MYRFL: variants seen among roughly 807,000 people sequenced by gnomAD.
The protein encoded by MYRFL is myelin regulatory factor like.
A neutral mutation model predicts 109.4 loss-of-function variants in MYRFL; 88 were observed. The observed-to-expected ratio is 0.80, with a 90% confidence interval of 0.68 to 0.96. The LOEUF (loss-of-function observed/expected upper bound fraction) is 0.96. Ranked by LOEUF, MYRFL falls within the 40% of genes least tolerant of loss-of-function variation. The probability of loss-of-function intolerance (pLI) is 0.00; values close to 1 mark genes in which losing one functional copy is unlikely to be tolerated. For synonymous variants in MYRFL, 324 were observed against 320.9 expected, an observed-to-expected ratio of 1.01 and a Z score of -0.10; for missense variants, 957 against 954.9, an observed-to-expected ratio of 1.00 and a Z score of -0.03.
intron 2 of MYRFL, among the ~76,000 whole-genome samples, chr12:69,860,144 C>G (rs1884553143): frequency 6.6e-6 from 1 of 152,086 alleles, no homozygotes; most frequent in Admixed American, 6.5e-5. Context: ...GTTGTTCCCC[C>G]TTGTGTTCAT....
chr12:69,895,287 G>T, intron 8 of MYRFL, 84 bp from the exon 9 acceptor site: 1 of 995,104 alleles, frequency 1.0e-6, no homozygotes, highest in Non-Finnish European at 1.5e-6. Context: ...GCATAGATGA[G>T]AGTCTGAAAG....
intron 20 of MYRFL, 152 bp downstream of exon 20, chr12:69,952,327 C>T: frequency 9.1e-6 from 6 of 662,042 alleles, no homozygotes; most frequent in Non-Finnish European, 1.3e-5. Flanking sequence ...TAATCGATGC[C>T]ACCCTAACCA....
At chr12:69,951,189 C>A (rs1274993435) in intron 19 of MYRFL, among the ~76,000 whole-genome samples, 1 of 152,162 alleles carries the variant, frequency 6.6e-6, no homozygotes, top group Non-Finnish European at 1.5e-5. Context: ...GGGATAGTTT[C>A]TTAGTCCACT....
chr12:69,883,981 T>C (rs1275835161), intron 5 of MYRFL, among the ~76,000 whole-genome samples: 1 of 152,144 alleles, frequency 6.6e-6, no homozygotes, highest in African/African-American at 2.4e-5. Context: ...TGTTAGATTG[T>C]AGGATAGTGG....
chr12:69,878,828 C>G (rs1170304376), intron 2 of MYRFL, among the ~76,000 whole-genome samples, 200 bp from the exon 3 acceptor site: 2 of 152,008 alleles, frequency 1.3e-5, no homozygotes, highest in African/African-American at 4.8e-5. Context: ...GAGCTGGGAC[C>G]CAAAGCCCAC....
intron 14 of MYRFL, 70 bp downstream of exon 14, chr12:69,926,804 A>C: frequency 7.9e-6 from 10 of 1,258,418 alleles, no homozygotes; most frequent in East Asian, 2.8e-5. Context: ...GAATAAGATC[A>C]ATCTAAATGG....
At chr12:69,881,580 G>A (rs1474757411) in intron 5 of MYRFL, among the ~76,000 whole-genome samples, 1 of 152,218 alleles carries the variant, frequency 6.6e-6, no homozygotes, top group Non-Finnish European at 1.5e-5. Context: ...GCTCCAGCGT[G>A]GGCTGTGGAG....
intron 19 of MYRFL, among the ~76,000 whole-genome samples, chr12:69,943,239 A>C (rs1366522189): frequency 6.6e-6 from 1 of 151,420 alleles, no homozygotes; most frequent in Non-Finnish European, 1.5e-5. Flanking sequence ...ATCCTAAGCC[A>C]AAAGAACAAA....
chr12:69,926,743 A>C lies in MYRFL; in HGVS notation c.1766+9A>C, dbSNP rs1391926894. The C allele has an allele frequency of 1.4e-6, 2 of 1,432,260 alleles. No homozygotes were observed. Among genetic ancestry groups the C allele is most frequent in the Non-Finnish European group, 1.8e-6 (2 of 1,091,294 alleles). The allele number at this position is 1,432,260 out of a possible 1,614,324, so 88.7% of individuals were successfully genotyped here. A position where few individuals can be genotyped will look rare whatever the true frequency, so the allele number is the denominator to read the frequency against. ...GAAGCAAGCACAATCAGGTACGTGC[A>C]GCCAGGATTGCCATAGAAATTTGGG... On this transcript the variant is annotated intron_variant, in intron 14 of 24. Coordinates refer to ENST00000552032, the MANE Select transcript of MYRFL (RefSeq NM_182530.3).
At chr12:69,841,348 T>G (rs1300898881) in intron 1 of MYRFL, among the ~76,000 whole-genome samples, 1 of 152,182 alleles carries the variant, frequency 6.6e-6, no homozygotes, top group East Asian at 1.9e-4. Flanking sequence ...ATTCAATGGC[T>G]TATCCTCCCA....
chr12:69,868,968 G>A (rs986370182), intron 2 of MYRFL, among the ~76,000 whole-genome samples: 7 of 151,666 alleles, frequency 4.6e-5, no homozygotes, highest in Non-Finnish European at 8.8e-5. Context: ...CCACATGTGC[G>A]TGCACACATG....
intron 2 of MYRFL, among the ~76,000 whole-genome samples, chr12:69,866,812 C>T (rs937669275): frequency 6.6e-6 from 1 of 152,098 alleles, no homozygotes; most frequent in Non-Finnish European, 1.5e-5. Flanking sequence ...AAAACTTGTC[C>T]CATTAGATGC....
intron 5 of MYRFL, among the ~76,000 whole-genome samples, chr12:69,882,510 G>T (rs1024053245): frequency 3.3e-5 from 5 of 152,162 alleles, no homozygotes; most frequent in Non-Finnish European, 1.5e-5. Context: ...CTTACAGGCA[G>T]AAGGATCACC....
chr12:69,877,447 A>G (rs1018143362), intron 2 of MYRFL, among the ~76,000 whole-genome samples: 8 of 152,024 alleles, frequency 5.3e-5, no homozygotes, highest in Non-Finnish European at 8.8e-5. Flanking sequence ...TTGATTGGAA[A>G]ACTTCTTGTT....
chr12:69,943,438 T>C (rs1955729412), intron 19 of MYRFL, among the ~76,000 whole-genome samples: 1 of 146,930 alleles, frequency 6.8e-6, no homozygotes, highest in African/African-American at 2.5e-5. Context: ...GGGGAAAGGA[T>C]TCCCTATTTA....
chr12:69,860,466 C>G (rs1163495360), intron 2 of MYRFL, among the ~76,000 whole-genome samples: 2 of 152,026 alleles, frequency 1.3e-5, no homozygotes, highest in African/African-American at 4.8e-5. Flanking sequence ...CTATATATAT[C>G]AAATTAGTTT....
chr12:69,955,563 G>T, intron 22 of MYRFL, 126 bp downstream of exon 22: 2 of 476,782 alleles, frequency 4.2e-6, no homozygotes, highest in Non-Finnish European at 7.4e-6. Flanking sequence ...AACTAATGAT[G>T]GTTTGAGAGG....
chr12:69,917,343 G>T (rs1954767183), intron 13 of MYRFL, among the ~76,000 whole-genome samples: 1 of 143,640 alleles, frequency 7.0e-6, no homozygotes, highest in Admixed American at 7.1e-5. Flanking sequence ...AGCCTGGAGG[G>T]TATTTGTCCC....
intron 19 of MYRFL, among the ~76,000 whole-genome samples, chr12:69,939,734 C>A (rs951815849): frequency 1.3e-5 from 2 of 151,814 alleles, no homozygotes; most frequent in African/African-American, 4.8e-5. Flanking sequence ...TTCAGACGAT[C>A]AAATTACTCT....
Sources: allele counts gnomAD v4.1 joint callset (sites outside exome capture counted in the v4.1 genomes callset), GRCh38; gene constraint gnomAD v4.1.1; transcripts MANE v1.5; gene names NCBI Gene and HGNC (gene_info 2026-07-23, HGNC 2026-07-21).